Variants in SCN7A observed in about 807,000 individuals in gnomAD.
SCN7A encodes sodium channel protein type 7 subunit alpha.
Under a neutral mutation model 155.2 loss-of-function variants are expected in SCN7A, and 138 were observed. The observed-to-expected ratio is 0.89, with a 90% CI of 0.77 to 1.02. SCN7A has a LOEUF of 1.02. SCN7A is among the 50% of genes least tolerant of loss of function. The pLI is 0.00. For missense variants in SCN7A, 2,058 were observed against 1,986.6 expected, an observed-to-expected ratio of 1.04 and a Z score of -0.68; for synonymous variants, 693 against 649.0, an observed-to-expected ratio of 1.07 and a Z score of -1.03.
chr2:166,421,167 T>A, intron 20 of SCN7A, 23 bp downstream of exon 20: 1 of 1,414,492 alleles, frequency 7.1e-7, no homozygotes, highest in South Asian at 1.4e-5. Flanking sequence ...ATTTGTAGAT[T>A]AGCTTAGAAA....
At chr2:166,436,431 C>G (rs919738907) in intron 15 of SCN7A, 7 of 433,634 alleles carry the variant, frequency 1.6e-5, no homozygotes, top group Non-Finnish European at 2.8e-5. Flanking sequence ...TTCCTGAGGC[C>G]TCCCAAGCCC....
chr2:166,432,835 G>T, intron 15 of SCN7A, 83 bp from the exon 16 acceptor site: 1 of 967,170 alleles, frequency 1.0e-6, no homozygotes, highest in Non-Finnish European at 1.5e-6. Flanking sequence ...CAAAACTGAT[G>T]AGAACATTTA....
At chr2:166,482,590 C>CACTGGTTTCATCAGT (rs893445085) in intron 2 of SCN7A, among the ~76,000 whole-genome samples, 1 of 152,014 alleles carries the variant, frequency 6.6e-6, no homozygotes, top group African/African-American at 2.4e-5. Context: ...TGGACCACAG[C>CACTGGTTTCATCAGT]ACTGGTTTCA....
At chr2:166,427,752 C>T (rs1559097209) in intron 18 of SCN7A, 36 bp downstream of exon 18, 2 of 1,565,474 alleles carry the variant, frequency 1.3e-6, no homozygotes, top group Non-Finnish European at 8.7e-7. Context: ...ACATTTGTCC[C>T]CAGCAAAGTA....
intron 11 of SCN7A, among the ~76,000 whole-genome samples, chr2:166,451,735 G>A (rs1417692624): frequency 1.3e-5 from 2 of 151,930 alleles, no homozygotes; most frequent in Non-Finnish European, 2.9e-5. Context: ...AACCTTTTCC[G>A]ACTCAGAGAA....
chr2:166,469,563 A>T (rs1304812799), intron 7 of SCN7A, among the ~76,000 whole-genome samples: 1 of 151,786 alleles, frequency 6.6e-6, no homozygotes, highest in East Asian at 1.9e-4. Context: ...CTTGAAAAAA[A>T]GAGTGAGAGG....
Position 166,405,986 on chromosome 2 carries a change from G to T in SCN7A, c.4643C>A (p.Pro1548His). Reference sequence around the variant, plus strand: ...CTTGTTTGGTTTTGCCATGAAAAGAGGAGGATCAAGAGCAGCTGCAAAATC... The same window carrying T: ...CTTGTTTGGTTTTGCCATGAAAAGATGAGGATCAAGAGCAGCTGCAAAATC... ...LSDFAAALDPPLFMAKPNKGQ... is the reference protein window; with the variant it reads ...LSDFAAALDPHLFMAKPNKGQ... The change falls in exon 26 of 26, where the codon CCT (proline) becomes CAT (histidine). Residue 1548 changes from proline (P) to histidine (H), a missense_variant. Physicochemically the swap from Pro to His is moderately conservative, Grantham distance 77. Coordinates refer to ENST00000643258, the MANE Select transcript of SCN7A (RefSeq NM_002976.4). 1 of 1,613,008 alleles carries T rather than the reference G, an allele frequency of 6.2e-7. No homozygotes were observed. Among genetic ancestry groups the T allele is most frequent in the Non-Finnish European group, 8.5e-7 (1 of 1,179,404 alleles).
At chr2:166,481,706 A>T (rs1702931153) in intron 2 of SCN7A, among the ~76,000 whole-genome samples, 1 of 152,200 alleles carries the variant, frequency 6.6e-6, no homozygotes, top group African/African-American at 2.4e-5. Flanking sequence ...GGGTCTTCAA[A>T]TGGAACCAGA....
intron 20 of SCN7A, among the ~76,000 whole-genome samples, chr2:166,417,668 A>G (rs915625749): frequency 5.3e-5 from 8 of 150,968 alleles, no homozygotes; most frequent in African/African-American, 1.9e-4. Context: ...AACTGAACCC[A>G]TGTGTATGTA....
At chr2:166,444,634 T>G in intron 13 of SCN7A, 128 bp downstream of exon 13, 1 of 619,540 alleles carries the variant, frequency 1.6e-6, no homozygotes, top group South Asian at 2.1e-5. Flanking sequence ...AATGCTTCAT[T>G]CAATAATAAT....
In SCN7A at chr2:166,448,105, T is replaced by A. The variant is rs1702105164; in HGVS notation, c.1291-397A>T. Among the ~76,000 whole-genome samples, 4 of 152,258 alleles carry A rather than the reference T, an allele frequency of 2.6e-5. No homozygotes were observed. The South Asian group carries it at 8.3e-4, about 32-fold the overall frequency. On this transcript the variant is annotated intron_variant, in intron 11 of 25. Transcript: ENST00000643258. Reference sequence around the variant, plus strand: ...GTAGCCATTGGCTAACCTCTCTTCATACCCCCTCATACATACCCTTTGCAG... The same window carrying A: ...GTAGCCATTGGCTAACCTCTCTTCAAACCCCCTCATACATACCCTTTGCAG...
chr2:166,421,435 A>G (rs1701509699), intron 19 of SCN7A, 138 bp from the exon 20 acceptor site: 2 of 437,130 alleles, frequency 4.6e-6, no homozygotes, highest in South Asian at 1.5e-4. Flanking sequence ...TTTTACATAT[A>G]CTTCAAAATA....
intron 9 of SCN7A, among the ~76,000 whole-genome samples, chr2:166,463,429 G>C (rs910679787): frequency 6.6e-6 from 1 of 152,168 alleles, no homozygotes; most frequent in South Asian, 2.1e-4. Context: ...ATTGGGACTT[G>C]CTACATTGCT....
chr2:166,411,015 A>G (rs79203479), intron 23 of SCN7A, among the ~76,000 whole-genome samples: 2,254 of 152,038 alleles, frequency 0.015, 63 homozygotes, highest in African/African-American at 0.052. Flanking sequence ...CTAGTATGTT[A>G]TCCTACAGGG....
intron 2 of SCN7A, 45 bp from the exon 3 acceptor site, chr2:166,477,755 A>G (rs953802804): frequency 2.5e-5 from 30 of 1,199,080 alleles, no homozygotes; most frequent in Non-Finnish European, 3.4e-5. Flanking sequence ...AATAAAACAT[A>G]AAAGTACAAA....
At chr2:166,475,016 ATGTG>A (rs1275419965) in intron 3 of SCN7A, among the ~76,000 whole-genome samples, 4 of 143,208 alleles carry the variant, frequency 2.8e-5, no homozygotes, top group African/African-American at 7.5e-5. Flanking sequence ...ATGTACATGA[ATGTG>A]TGTGTGTGTA....
chr2:166,433,974 A>G (rs966872998), intron 15 of SCN7A, among the ~76,000 whole-genome samples: 4 of 152,178 alleles, frequency 2.6e-5, no homozygotes, highest in Non-Finnish European at 5.9e-5. Context: ...TTTCCAGAGA[A>G]TCAGATTTTA....
intron 12 of SCN7A, 23 bp downstream of exon 12, chr2:166,447,589 T>C: frequency 1.4e-6 from 2 of 1,438,512 alleles, no homozygotes; most frequent in Non-Finnish European, 2.0e-6. Flanking sequence ...CAATAGTGAG[T>C]GTCTACTTAT....
intron 15 of SCN7A, among the ~76,000 whole-genome samples, chr2:166,435,291 C>T (rs1701814182): frequency 6.6e-6 from 1 of 152,046 alleles, no homozygotes; most frequent in African/African-American, 2.4e-5. Context: ...CTGATTACTA[C>T]TTCTAATTTG....
Sources: allele counts gnomAD v4.1 joint callset (sites outside exome capture counted in the v4.1 genomes callset), GRCh38; gene constraint gnomAD v4.1.1; transcripts MANE v1.5; gene names NCBI Gene and HGNC (gene_info 2026-07-23, HGNC 2026-07-21).